The following MYO3B variants were observed in gnomAD, a reference collection of about 807,000 sequenced individuals.
MYO3B encodes the protein myosin IIIB.
MYO3B carries 156 observed loss-of-function variants against 174.6 expected under a neutral mutation model. The ratio of observed to expected loss-of-function variants is 0.89; its 90% CI spans 0.78 to 1.02. The LOEUF is 1.02. Among genes scored for constraint, MYO3B ranks in the 50% least tolerant of loss-of-function variants. The pLI, the probability that MYO3B is intolerant of heterozygous loss-of-function variation, is 0.00. For synonymous variants in MYO3B, 563 were observed against 569.1 expected (o/e 0.99, Z 0.15); for missense variants, 1,632 against 1,639.4 (o/e 1.00, Z 0.08).
chr2:170,205,516 C>T (rs915436823), intron 3 of MYO3B, among the ~76,000 whole-genome samples: 4 of 152,172 alleles, frequency 2.6e-5, no homozygotes, highest in Non-Finnish European at 2.9e-5. Flanking sequence ...TTGTGCTTTG[C>T]ATCCCTATTA....
chr2:170,539,164 A>T (rs907537104), intron 30 of MYO3B, among the ~76,000 whole-genome samples: 1 of 152,162 alleles, frequency 6.6e-6, no homozygotes, highest in East Asian at 1.9e-4. Context: ...CACTTTTTTC[A>T]GAATACTGAC....
At chr2:170,197,178 G>T (rs768802675) in intron 1 of MYO3B, among the ~76,000 whole-genome samples, 3 of 151,906 alleles carry the variant, frequency 2.0e-5, no homozygotes, top group Non-Finnish European at 4.4e-5. Flanking sequence ...CCAGTGCCTC[G>T]CCACTCCCAC....
At chr2:170,422,108 G>A (rs1249780785) in intron 22 of MYO3B, among the ~76,000 whole-genome samples, 1 of 152,170 alleles carries the variant, frequency 6.6e-6, no homozygotes, top group Admixed American at 6.5e-5. Context: ...TGTGCATTAA[G>A]AAGAGCCTCC....
chr2:170,416,792 T>C (rs1337180521), intron 22 of MYO3B, among the ~76,000 whole-genome samples: 1 of 148,958 alleles, frequency 6.7e-6, no homozygotes, highest in African/African-American at 2.5e-5. Flanking sequence ...CCTGGAACAC[T>C]CTTTCCCCAG....
intron 9 of MYO3B, among the ~76,000 whole-genome samples, chr2:170,374,339 G>A (rs2094272273): frequency 6.6e-6 from 1 of 152,102 alleles, no homozygotes; most frequent in South Asian, 2.1e-4. Flanking sequence ...TCCTGGGACT[G>A]GCTATTACAA....
intron 22 of MYO3B, among the ~76,000 whole-genome samples, chr2:170,421,065 G>A (rs1019355859): frequency 4.6e-5 from 7 of 152,174 alleles, no homozygotes; most frequent in African/African-American, 1.7e-4. Context: ...CTAGAGAGGA[G>A]TGTGACAGGA....
intron 9 of MYO3B, among the ~76,000 whole-genome samples, chr2:170,371,781 C>A (rs978948550): frequency 6.6e-6 from 1 of 151,394 alleles, no homozygotes; most frequent in Admixed American, 6.6e-5. Flanking sequence ...TTATGGCCAC[C>A]CGGCAGGCAG....
chr2:170,320,755 A>G (rs1250542349), intron 7 of MYO3B, among the ~76,000 whole-genome samples: 3 of 152,192 alleles, frequency 2.0e-5, no homozygotes, highest in Admixed American at 2.0e-4. Context: ...TGTAAGTAGT[A>G]CAGACAACAT....
intron 31 of MYO3B, among the ~76,000 whole-genome samples, chr2:170,543,663 A>T (rs1209817385): frequency 6.6e-6 from 1 of 152,178 alleles, no homozygotes; most frequent in Non-Finnish European, 1.5e-5. Flanking sequence ...CGTTCTGAGG[A>T]AGAAATGAAT....
At chr2:170,508,492 C>T (rs979387553) in intron 28 of MYO3B, among the ~76,000 whole-genome samples, 13 of 152,282 alleles carry the variant, frequency 8.5e-5, no homozygotes, top group Admixed American at 2.6e-4. Flanking sequence ...CTTCAAAAGA[C>T]TCTTGGAAAT....
chr2:170,281,286 T>C (rs1013944179), intron 7 of MYO3B, among the ~76,000 whole-genome samples: 4 of 152,116 alleles, frequency 2.6e-5, no homozygotes, highest in African/African-American at 9.7e-5. Context: ...TTGGCTGTTG[T>C]CAGAATTCTC....
intron 25 of MYO3B, among the ~76,000 whole-genome samples, chr2:170,469,662 G>A (rs1684851647): frequency 6.6e-6 from 1 of 151,992 alleles, no homozygotes; most frequent in South Asian, 2.1e-4. Context: ...CCATCACCAG[G>A]TCCAGCTCAC....
intron 8 of MYO3B, among the ~76,000 whole-genome samples, chr2:170,363,680 G>C (rs1398719349): frequency 6.6e-6 from 1 of 152,148 alleles, no homozygotes; most frequent in Non-Finnish European, 1.5e-5. Context: ...ATGATGGAAG[G>C]TACTAGAATT....
chr2:170,245,762 C>T (rs2093182712), intron 7 of MYO3B, among the ~76,000 whole-genome samples: 1 of 152,160 alleles, frequency 6.6e-6, no homozygotes, highest in Non-Finnish European at 1.5e-5. Flanking sequence ...AGGGCTGGGG[C>T]CACTCACTGC....
chr2:170,386,415 G>A (rs950136593), intron 13 of MYO3B, 143 bp downstream of exon 13: 2 of 605,686 alleles, frequency 3.3e-6, no homozygotes, highest in Non-Finnish European at 5.7e-6. Flanking sequence ...CCTCCTGATA[G>A]CGAGGCCTCT....
At chr2:170,458,082 C>T (rs767233989) in intron 23 of MYO3B, among the ~76,000 whole-genome samples, 2 of 152,148 alleles carry the variant, frequency 1.3e-5, no homozygotes, top group Non-Finnish European at 2.9e-5. Context: ...ATTGTAAATA[C>T]GTAAACCAGT....
rs57885963 is a variant in MYO3B at position 170,559,140 on chromosome 2, A to G, written c.3733+15152A>G. Among the ~76,000 whole-genome samples, 1,322 of 152,318 alleles carry G rather than the reference A, an allele frequency of 8.7e-3. 10 individuals carry two copies. The highest frequency in any genetic ancestry group is 0.028 in the African/African-American group (1,147 of 41,562). On this transcript the variant is annotated intron_variant, in intron 32 of 34. Coordinates refer to ENST00000408978, the MANE Select transcript of MYO3B (RefSeq NM_138995.5). ...CTCATTTTATAGATGAAAAGACTGCATATTAGTTGGCCAACCCAGAGCTAG... is the reference window on the plus strand; with the variant it reads ...CTCATTTTATAGATGAAAAGACTGCGTATTAGTTGGCCAACCCAGAGCTAG...
chr2:170,585,789 C>T (rs1029932785), intron 32 of MYO3B, among the ~76,000 whole-genome samples: 1 of 152,168 alleles, frequency 6.6e-6, no homozygotes, highest in Non-Finnish European at 1.5e-5. Context: ...TGGTGGCTCA[C>T]GCCTGTAATC....
intron 6 of MYO3B, among the ~76,000 whole-genome samples, chr2:170,224,591 T>G (rs2092932527): frequency 1.3e-5 from 2 of 151,970 alleles, no homozygotes; most frequent in Admixed American, 1.3e-4. Flanking sequence ...AATTTATAGG[T>G]TGACTACACT....
Sources: allele counts gnomAD v4.1 joint callset (sites outside exome capture counted in the v4.1 genomes callset), GRCh38; gene constraint gnomAD v4.1.1; transcripts MANE v1.5; gene names NCBI Gene and HGNC (gene_info 2026-07-23, HGNC 2026-07-21).